The following BCAS1 variants were observed in gnomAD, a reference collection of about 807,000 sequenced individuals.
BCAS1 encodes brain enriched myelin associated protein 1, also known as breast carcinoma-amplified sequence 1.
A neutral mutation model predicts 65.4 loss-of-function variants in BCAS1; 46 were observed. That is an observed-to-expected ratio of 0.70 (90% CI 0.55 to 0.90). The LOEUF is 0.90. Among genes scored for constraint, BCAS1 ranks in the 40% least tolerant of loss-of-function variants. The pLI is 0.00. For missense variants in BCAS1, 793 were observed against 771.2 expected, an observed-to-expected ratio of 1.03 and a Z score of -0.33; for synonymous variants, 298 against 293.5, an observed-to-expected ratio of 1.02 and a Z score of -0.16.
intron 4 of BCAS1, among the ~76,000 whole-genome samples, chr20:54,004,711 G>C (rs1454475175): frequency 6.6e-6 from 1 of 152,030 alleles, no homozygotes. Context: ...ATTAGCATGG[G>C]CTCTGAAGTT....
chr20:54,060,639 A>G (rs962881601), intron 1 of BCAS1, among the ~76,000 whole-genome samples: 3 of 152,178 alleles, frequency 2.0e-5, no homozygotes, highest in Admixed American at 1.3e-4. Flanking sequence ...AGTAATTAAT[A>G]ACATTACGTG....
rs1021751135 is a variant in BCAS1 at position 53,944,772 on chromosome 20, A to G, written c.*150T>C. 5.2e-6 allele frequency: 4 copies of G among 775,546 alleles called. No homozygotes were observed. The highest frequency in any genetic ancestry group is 5.1e-5 in the African/African-American group (3 of 58,984). 48.0% of individuals were successfully genotyped at this position (775,546 alleles called of 1,614,324 possible). ...CCAGAGACGTAAATAATACACCTCA[A>G]TATACAACAGCTCGGGCTTAATTTC... On this transcript the variant is annotated 3_prime_UTR_variant, in exon 13 of 13. Transcript: ENST00000688948.
intron 8 of BCAS1, among the ~76,000 whole-genome samples, chr20:53,979,081 A>C (rs374901138): frequency 3.3e-5 from 5 of 152,286 alleles, no homozygotes; most frequent in African/African-American, 1.2e-4. Context: ...TGGTACTTAC[A>C]TGAAGACCCT....
At chr20:54,037,944 A>G (rs1397102998) in intron 3 of BCAS1, among the ~76,000 whole-genome samples, 1 of 151,504 alleles carries the variant, frequency 6.6e-6, no homozygotes, top group Non-Finnish European at 1.5e-5. Context: ...GTTTTCTCAC[A>G]TCTGGGAAAC....
rs567704703 is a variant in BCAS1, at chr20:54,011,092, G to A, written c.724-15042C>T. 5.9e-5 allele frequency among the ~76,000 whole-genome samples: 9 copies of A among 152,170 alleles called. No individual in the cohort carries two copies. The South Asian group carries it at 1.5e-3, about 25-fold the overall frequency. On this transcript the variant is annotated intron_variant, in intron 4 of 12. Transcript: ENST00000688948. ...TATAAAAATTATCTCAAAAGAGATC[G>A]TGGACTTAAACATAAAACCTCAAAT...
rs187632403 is a variant in BCAS1 at position 54,025,954 on chromosome 20, A to G, written c.723+2438T>C. On this transcript the variant is annotated intron_variant, in intron 4 of 12. Transcript: ENST00000688948. Reference sequence around the variant, plus strand: ...GTTAAAAACCTTTGCAGGCATATGCATCTGAATATCCATAAGTTCACAGGC... The same window carrying G: ...GTTAAAAACCTTTGCAGGCATATGCGTCTGAATATCCATAAGTTCACAGGC... Among the ~76,000 whole-genome samples, 394 of 152,346 alleles carry G rather than the reference A, an allele frequency of 2.6e-3. 6 individuals are homozygous for G. The highest frequency in any genetic ancestry group is 0.024 in the South Asian group (117 of 4,826).
intron 3 of BCAS1, among the ~76,000 whole-genome samples, chr20:54,042,022 A>C (rs290390): frequency 0.36 from 54,801 of 151,568 alleles, 9,936 homozygotes; most frequent in South Asian, 0.46. Flanking sequence ...AAAATTTCAC[A>C]AACACTGTAA....
At chr20:53,958,086 C>T (rs142941493) in intron 10 of BCAS1, among the ~76,000 whole-genome samples, 1 of 152,142 alleles carries the variant, frequency 6.6e-6, no homozygotes, top group African/African-American at 2.4e-5. Context: ...TGGGAACTTG[C>T]TAGAAAGGCA....
intron 3 of BCAS1, among the ~76,000 whole-genome samples, chr20:54,055,449 C>T (rs751348333): frequency 5.3e-5 from 8 of 151,858 alleles, no homozygotes; most frequent in African/African-American, 7.3e-5. Context: ...TGGAAACCTC[C>T]GATAAAACCA....
rs919072893 is a variant in BCAS1, at chr20:53,985,154, G to A, written c.1275+133C>T. On this transcript the variant is annotated intron_variant, in intron 8 of 12. Coordinates refer to ENST00000688948, the MANE Select transcript of BCAS1 (RefSeq NM_001366298.2). ...ACACATTAGAAGGCTTCTACTCAATGGGAAGCCGAGTCATTTTGAAGAAGA... is the reference window on the plus strand; with the variant it reads ...ACACATTAGAAGGCTTCTACTCAATAGGAAGCCGAGTCATTTTGAAGAAGA... 6.0e-6 allele frequency: 5 copies of A among 830,022 alleles called. No individual in the cohort carries two copies. The African/African-American group carries it at 8.6e-5, about 14-fold the overall frequency. 51.4% of individuals were successfully genotyped at this position (830,022 alleles called of 1,614,324 possible).
At chr20:54,014,485 A>G (rs1277340120) in intron 4 of BCAS1, among the ~76,000 whole-genome samples, 1 of 152,200 alleles carries the variant, frequency 6.6e-6, no homozygotes, top group Non-Finnish European at 1.5e-5. Flanking sequence ...TCCTTTAAGC[A>G]GATCTACATT....
At chr20:54,000,460 A>G (rs1302184452) in intron 4 of BCAS1, among the ~76,000 whole-genome samples, 1 of 152,234 alleles carries the variant, frequency 6.6e-6, no homozygotes, top group East Asian at 1.9e-4. Flanking sequence ...CACATGGTAC[A>G]ATCTCAAAAA....
chr20:54,027,517 T>G (rs2091699369), intron 4 of BCAS1, among the ~76,000 whole-genome samples: 1 of 152,256 alleles, frequency 6.6e-6, no homozygotes, highest in Non-Finnish European at 1.5e-5. Context: ...CTCTGAAGTC[T>G]GCTAGTGGCA....
chr20:54,017,399 CTTT>C (rs200791354), intron 4 of BCAS1, among the ~76,000 whole-genome samples: 4 of 121,688 alleles, frequency 3.3e-5, no homozygotes, highest in Non-Finnish European at 3.6e-5. Flanking sequence ...TTTTTCTTTT[CTTT>C]TTTTTTTTTT....
intron 11 of BCAS1, among the ~76,000 whole-genome samples, chr20:53,954,321 GA>G (rs2089632418): frequency 6.6e-6 from 1 of 151,804 alleles, no homozygotes; most frequent in South Asian, 2.1e-4. Context: ...GAGAGAGAGA[GA>G]GAGAGAGAGA....
At chr20:54,001,867 C>T (rs1440646530) in intron 4 of BCAS1, among the ~76,000 whole-genome samples, 1 of 152,170 alleles carries the variant, frequency 6.6e-6, no homozygotes, top group Non-Finnish European at 1.5e-5. Context: ...TTGGCAGTTA[C>T]ATTAGGTAGG....
chr20:53,981,584 A>G (rs1351249062), intron 8 of BCAS1, among the ~76,000 whole-genome samples: 2 of 149,592 alleles, frequency 1.3e-5, no homozygotes, highest in East Asian at 1.9e-4. Context: ...AACACGAAAG[A>G]TAGATGTCAT....
At chr20:53,992,110 GA>G (rs1432474791) in intron 7 of BCAS1, among the ~76,000 whole-genome samples, 5 of 152,012 alleles carry the variant, frequency 3.3e-5, no homozygotes, top group Non-Finnish European at 5.9e-5. Context: ...TTCCTCTTAG[GA>G]AAAATTATTC....
In BCAS1 at chr20:53,944,524, G is replaced by C. The variant is rs2089246107; in HGVS notation, c.*398C>G. The C allele has an allele frequency of 5.0e-6, 1 of 201,810 alleles. No homozygotes were observed. Among genetic ancestry groups the C allele is most frequent in the Non-Finnish European group, 1.0e-5 (1 of 97,312 alleles). 12.5% of individuals were successfully genotyped at this position (201,810 alleles called of 1,614,324 possible). A position where few individuals can be genotyped will look rare whatever the true frequency, so the allele number is the denominator to read the frequency against. On this transcript the variant is annotated 3_prime_UTR_variant, in exon 13 of 13. Coordinates refer to ENST00000688948, the MANE Select transcript of BCAS1 (RefSeq NM_001366298.2). ...GGGTTTCATGATGTTGGCCAGGCTA[G>C]TCTTGAACTCCTGACCTCAGGTGAT...
Sources: allele counts gnomAD v4.1 joint callset (sites outside exome capture counted in the v4.1 genomes callset), GRCh38; gene constraint gnomAD v4.1.1; transcripts MANE v1.5; gene names NCBI Gene and HGNC (gene_info 2026-07-23, HGNC 2026-07-21).